Variants in LYST observed in about 807,000 individuals in gnomAD.
The protein encoded by LYST is lysosomal-trafficking regulator.
Under a neutral mutation model 413.6 loss-of-function variants are expected in LYST, and 192 were observed. That is an observed-to-expected ratio of 0.46 (90% CI 0.41 to 0.52). The LOEUF is 0.52. Among genes scored for constraint, LYST ranks in the 20% least tolerant of loss-of-function variants. The probability of loss-of-function intolerance (pLI) is 0.00; values close to 1 mark genes in which losing one functional copy is unlikely to be tolerated. For missense variants in LYST, 3,815 were observed against 4,499.9 expected (o/e 0.85, Z 4.35); for synonymous variants, 1,525 against 1,567.3 (o/e 0.97, Z 0.64).
At chr1:235,747,571 T>C (rs1666051367) in intron 28 of LYST, among the ~76,000 whole-genome samples, 1 of 152,198 alleles carries the variant, frequency 6.6e-6, no homozygotes, top group Non-Finnish European at 1.5e-5. Flanking sequence ...ATATCCTGTA[T>C]ATATTCAAGA....
At chr1:235,666,511 T>C (rs552937747) in intron 50 of LYST, among the ~76,000 whole-genome samples, 103 of 151,834 alleles carry the variant, frequency 6.8e-4, no homozygotes, top group African/African-American at 2.4e-3. Flanking sequence ...ACTGTTAATA[T>C]AATTAATGCC....
chr1:235,809,445 CTT>C lies in LYST; in HGVS notation c.1371_1372del (p.Asp459TrpfsTer16). On this transcript the variant is annotated frameshift_variant, in exon 5 of 53. Coordinates refer to ENST00000389793, the MANE Select transcript of LYST (RefSeq NM_000081.4). LOFTEE classifies it high-confidence loss of function. The surrounding 1 kb of genome is among the most constrained non-coding windows in gnomAD (Gnocchi z 4.0). Reference sequence around the variant, plus strand: ...TGAGGCCTCGGGAGGAACTCCATCTCTTAAAACCAGCCATTCCATTTGAAGAA... The same window carrying C: ...TGAGGCCTCGGGAGGAACTCCATCTCAAAACCAGCCATTCCATTTGAAGAA... 1.2e-6 allele frequency: 2 copies of C among 1,613,984 alleles called. No individual in the cohort carries two copies. Among genetic ancestry groups the C allele is most frequent in the Non-Finnish European group, 1.7e-6 (2 of 1,179,982 alleles).
upstream of LYST, among the ~76,000 whole-genome samples, chr1:235,868,741 A>C (rs1307551380): frequency 1.3e-5 from 2 of 151,816 alleles, no homozygotes; most frequent in Non-Finnish European, 2.9e-5. Flanking sequence ...TTTTTCCCTG[A>C]CTGGAGTGCA....
intron 1 of LYST, among the ~76,000 whole-genome samples, chr1:235,872,357 G>A (rs182618772): frequency 7.3e-5 from 11 of 151,342 alleles, no homozygotes; most frequent in African/African-American, 2.2e-4. Context: ...AATGAAGACC[G>A]GAAGACCCAG....
intron 18 of LYST, among the ~76,000 whole-genome samples, chr1:235,774,367 G>C (rs1430322158): frequency 6.6e-6 from 1 of 152,202 alleles, no homozygotes; most frequent in African/African-American, 2.4e-5. Context: ...GGCAAGGGTA[G>C]AGCAATCGTC....
At chr1:235,707,313 C>T (rs1289466612) in intron 44 of LYST, among the ~76,000 whole-genome samples, 1 of 151,920 alleles carries the variant, frequency 6.6e-6, no homozygotes, top group Non-Finnish European at 1.5e-5. Flanking sequence ...TTAGTCTAGC[C>T]AACAACATCA....
intron 40 of LYST, among the ~76,000 whole-genome samples, 186 bp from the exon 41 acceptor site, chr1:235,716,964 A>G (rs1662897848): frequency 2.0e-5 from 3 of 152,232 alleles, no homozygotes; most frequent in Admixed American, 2.0e-4. Context: ...AAATTAAGGT[A>G]GAATTTTCCC....
At chr1:235,670,879 A>T (rs890643471) in intron 50 of LYST, among the ~76,000 whole-genome samples, 2 of 152,192 alleles carry the variant, frequency 1.3e-5, no homozygotes, top group African/African-American at 4.8e-5. Flanking sequence ...TCAGGGACAC[A>T]TCTAAAACTT....
intron 12 of LYST, chr1:235,791,484 C>T: frequency 1.9e-6 from 1 of 528,258 alleles, no homozygotes; most frequent in Non-Finnish European, 3.4e-6. Context: ...GTGTCCCCTT[C>T]ACCCCTATAA....
chr1:235,879,642 T>C (rs867225361), intron 1 of LYST, among the ~76,000 whole-genome samples: 1 of 152,262 alleles, frequency 6.6e-6, no homozygotes, highest in Non-Finnish European at 1.5e-5. Flanking sequence ...CTAACTCCCT[T>C]TCAGCTTTTC....
chr1:235,744,084 C>T lies in LYST; in HGVS notation c.8046G>A (p.Gln2682=). Residue 2682 remains glutamine, a synonymous_variant, in exon 30 of 53, where the codon CAG becomes CAA. Transcript: ENST00000389793. ...GAATATTTTCCTCAGAAATTTCGGT[C>T]TGGAAAACTGAGGTCTTGCTTTGAG... is the stretch of plus-strand genomic sequence containing the variant. ...NVTQSKTSVF[Q]TEISEENIHH... 6.2e-7 allele frequency: 1 copy of T among 1,601,274 alleles called. No homozygotes were observed. The highest frequency in any genetic ancestry group is 2.2e-5 in the East Asian group (1 of 44,648).
intron 22 of LYST, among the ~76,000 whole-genome samples, chr1:235,762,103 T>C (rs1191826463): frequency 1.3e-5 from 2 of 151,790 alleles, no homozygotes; most frequent in Non-Finnish European, 2.9e-5. Flanking sequence ...TGCACATGTA[T>C]CCTAAAACTT....
intron 1 of LYST, among the ~76,000 whole-genome samples, chr1:235,836,207 TTCA>T (rs1676555801): frequency 6.6e-6 from 1 of 152,212 alleles, no homozygotes; most frequent in Non-Finnish European, 1.5e-5. Context: ...CATCAGAAGT[TTCA>T]TCAATATGCC....
chr1:235,808,463 A>C lies in LYST; in HGVS notation c.2355T>G (p.Leu785=). ...QIYVKTLPIL[L]KSRVIRDLFL... is the part of the protein sequence containing the mutation. ...CCCACACACATACAAACCTGGATTT[A>C]AGCAGGATAGGCAGAGTTTTTACAT... is the stretch of plus-strand genomic sequence containing the variant. The change falls in exon 5 of 53, where the codon CTT becomes CTG. Residue 785 remains leucine, a synonymous_variant. Transcript: ENST00000389793. 1 of 1,612,474 alleles carries C rather than the reference A, an allele frequency of 6.2e-7. No individual in the cohort carries two copies. Among genetic ancestry groups the C allele is most frequent in the Non-Finnish European group, 8.5e-7 (1 of 1,179,218 alleles).
At chr1:235,807,638 TAA>T (rs1673014209) in intron 5 of LYST, among the ~76,000 whole-genome samples, 1 of 152,148 alleles carries the variant, frequency 6.6e-6, no homozygotes, top group African/African-American at 2.4e-5. Context: ...TATTTTTGTA[TAA>T]GTTTCTAAAA....
At position 235,661,383 on chromosome 1, in the gene LYST, A is replaced by AT. The variant is rs1241984382; in HGVS notation, c.*1556dup. The stretch of plus-strand genomic sequence containing the variant: ...AAATGAAAGCTAGACAATAGCTGCA[A>AT]TTTTTTGTTAACAAAGCAAATCACT... On this transcript the variant is annotated 3_prime_UTR_variant, in exon 53 of 53. Coordinates refer to ENST00000389793, the MANE Select transcript of LYST (RefSeq NM_000081.4). The AT allele has an allele frequency of 6.6e-6, 1 of 152,444 alleles. No homozygotes were observed. Among genetic ancestry groups the AT allele is most frequent in the East Asian group, 1.9e-4 (1 of 5,204 alleles). The allele number at this position is 152,444 out of a possible 1,614,324, so 9.4% of individuals were successfully genotyped here. A position where few individuals can be genotyped will look rare whatever the true frequency, so the allele number is the denominator to read the frequency against.
At chr1:235,690,915 C>CT (rs138162439) in intron 47 of LYST, among the ~76,000 whole-genome samples, 72 of 145,550 alleles carry the variant, frequency 4.9e-4, no homozygotes, top group Admixed American at 9.6e-4. Context: ...TTACAAGTTT[C>CT]TTTTTTTTTT....
intron 50 of LYST, among the ~76,000 whole-genome samples, chr1:235,676,449 G>A (rs1659386197): frequency 6.6e-6 from 1 of 152,166 alleles, no homozygotes; most frequent in Non-Finnish European, 1.5e-5. Flanking sequence ...GAGATTCACA[G>A]CAATCAATGA....
intron 45 of LYST, 112 bp downstream of exon 45, chr1:235,702,635 C>CT: frequency 1.1e-6 from 1 of 892,230 alleles, no homozygotes; most frequent in Admixed American, 1.9e-5. Flanking sequence ...CTTGCACTGA[C>CT]TGGCACACAG....
Sources: gnomAD v4.1 joint callset for allele counts (sites outside exome capture counted in the v4.1 genomes callset) on GRCh38, gnomAD v4.1.1 for gene constraint, Gnocchi (gnomAD v3.1) non-coding constraint, MANE v1.5 for transcripts, NCBI Gene and HGNC (gene_info 2026-07-23, HGNC 2026-07-21) for gene names.